Variants in DOCK1 observed in about 807,000 individuals in gnomAD.
The protein encoded by DOCK1 is dedicator of cytokinesis 1.
Under a neutral mutation model 262.7 loss-of-function variants are expected in DOCK1, and 138 were observed. That is an observed-to-expected ratio of 0.53 (90% CI 0.46 to 0.61). DOCK1 has a LOEUF of 0.61. DOCK1 is among the 20% of genes least tolerant of loss of function. DOCK1 has a pLI of 0.00. For missense variants in DOCK1, 1,908 were observed against 2,370.7 expected (o/e 0.80, Z 4.05); for synonymous variants, 866 against 867.4 (o/e 1.00, Z 0.03).
At chr10:127,056,037 A>T (rs2045118475) in intron 22 of DOCK1, among the ~76,000 whole-genome samples, 1 of 152,162 alleles carries the variant, frequency 6.6e-6, no homozygotes, top group Non-Finnish European at 1.5e-5. Context: ...AAGAGTTGAG[A>T]CTGTTGAGGA....
intron 1 of DOCK1, among the ~76,000 whole-genome samples, chr10:126,941,644 A>C (rs2035008481): frequency 6.6e-6 from 1 of 152,076 alleles, no homozygotes; most frequent in African/African-American, 2.4e-5. Context: ...TAGTCCCGCT[A>C]CTCGGGAGGC....
At chr10:127,263,910 A>G (rs192826366) in intron 29 of DOCK1, among the ~76,000 whole-genome samples, 1 of 152,278 alleles carries the variant, frequency 6.6e-6, no homozygotes, top group Non-Finnish European at 1.5e-5. Flanking sequence ...AATAACCCCT[A>G]CTAGAATTTT....
chr10:127,230,491 C>T (rs1347894910), intron 27 of DOCK1, among the ~76,000 whole-genome samples: 1 of 151,872 alleles, frequency 6.6e-6, no homozygotes, highest in Non-Finnish European at 1.5e-5. Flanking sequence ...TGTGGAGATC[C>T]AGTTCTTCCA....
chr10:127,257,463 A>G (rs770303756), intron 29 of DOCK1, 34 bp downstream of exon 29: 5 of 1,548,808 alleles, frequency 3.2e-6, no homozygotes, highest in African/African-American at 1.4e-5. Flanking sequence ...CACCTTTTCT[A>G]TGGCTCCCAA....
intron 25 of DOCK1, among the ~76,000 whole-genome samples, chr10:127,121,071 G>GA (rs1413671714): frequency 2.6e-5 from 4 of 151,990 alleles, no homozygotes; most frequent in African/African-American, 9.7e-5. Context: ...CAGCAGGGGG[G>GA]ATTGCATTAT....
intron 18 of DOCK1, among the ~76,000 whole-genome samples, chr10:127,035,338 A>C (rs4622171): frequency 0.31 from 46,891 of 152,026 alleles, 7,849 homozygotes; most frequent in East Asian, 0.39. Context: ...AAAGAAGTAC[A>C]AGATGTGATT....
chr10:127,113,161 G>A (rs1412096210), intron 25 of DOCK1, among the ~76,000 whole-genome samples: 3 of 152,148 alleles, frequency 2.0e-5, no homozygotes, highest in Non-Finnish European at 4.4e-5. Context: ...TTGTACAAAT[G>A]TGGTTGTTTT....
Position 127,316,187 on chromosome 10 carries a change from C to T in DOCK1, c.3045-22819C>T, listed in dbSNP as rs1408859111. Among the ~76,000 whole-genome samples, 3 of 152,172 alleles carry T rather than the reference C, an allele frequency of 2.0e-5. No individual in the cohort carries two copies. In the South Asian group the frequency reaches 6.2e-4, roughly 32 times the overall value. ...GTGGTCAGAGCACCTAAAATTTACT[C>T]ACGTAGCAAATTTCCAGCATATGAT... On this transcript the variant is annotated intron_variant, in intron 29 of 51. Transcript: ENST00000623213.
At chr10:127,234,315 TAGG>T (rs1399378138) in intron 27 of DOCK1, among the ~76,000 whole-genome samples, 2 of 152,132 alleles carry the variant, frequency 1.3e-5, no homozygotes, top group African/African-American at 4.8e-5. Flanking sequence ...TTGGAAGTAA[TAGG>T]AGAATTCTGT....
intron 35 of DOCK1, among the ~76,000 whole-genome samples, chr10:127,374,901 C>A (rs1383222546): frequency 6.6e-6 from 1 of 152,200 alleles, no homozygotes; most frequent in African/African-American, 2.4e-5. Flanking sequence ...CTACTCACAC[C>A]TTGATTTCAG....
intron 1 of DOCK1, among the ~76,000 whole-genome samples, chr10:126,954,501 TG>T (rs1312408462): frequency 6.6e-6 from 1 of 152,242 alleles, no homozygotes; most frequent in Non-Finnish European, 1.5e-5. Context: ...ACACTGACGT[TG>T]TTGGGCAACC....
chr10:127,014,467 A>G (rs1334227403), intron 12 of DOCK1, among the ~76,000 whole-genome samples: 1 of 152,194 alleles, frequency 6.6e-6, no homozygotes, highest in Admixed American at 6.5e-5. Context: ...ATGTATTAAG[A>G]TATTTGCGCA....
intron 29 of DOCK1, among the ~76,000 whole-genome samples, chr10:127,309,345 G>C (rs926673164): frequency 4.6e-5 from 7 of 152,010 alleles, no homozygotes; most frequent in African/African-American, 1.7e-4. Flanking sequence ...TCAGACCTTT[G>C]TCAGATGGGT....
chr10:127,009,448 C>T (rs1221599465), intron 11 of DOCK1, among the ~76,000 whole-genome samples: 1 of 152,134 alleles, frequency 6.6e-6, no homozygotes, highest in Non-Finnish European at 1.5e-5. Flanking sequence ...GTTTATTTCC[C>T]TCGTGTGGAA....
At chr10:127,328,627 C>T (rs1430711155) in intron 29 of DOCK1, among the ~76,000 whole-genome samples, 1 of 152,080 alleles carries the variant, frequency 6.6e-6, no homozygotes, top group East Asian at 1.9e-4. Flanking sequence ...CGAGGGACGG[C>T]AGGGACGAGA....
At chr10:127,219,635 C>A (rs2058347174) in intron 27 of DOCK1, among the ~76,000 whole-genome samples, 1 of 152,124 alleles carries the variant, frequency 6.6e-6, no homozygotes, top group South Asian at 2.1e-4. Context: ...AACAACACCC[C>A]ATTTCTCCCT....
At chr10:126,915,385 G>A (rs1276473249) in intron 1 of DOCK1, among the ~76,000 whole-genome samples, 4 of 149,954 alleles carry the variant, frequency 2.7e-5, no homozygotes, top group Non-Finnish European at 5.9e-5. Context: ...TACCAAGCCC[G>A]AGAGCAGTGC....
chr10:126,972,280 G>A lies in DOCK1; in HGVS notation c.130+1495G>A, dbSNP rs577526442. On this transcript the variant is annotated intron_variant, in intron 2 of 51. Transcript: ENST00000623213. ...GTGACAGTGGTTTTCCAATGTCCTT[G>A]GCTTTTCAGACAATTTGTTTTTATA... Among the ~76,000 whole-genome samples the A allele has an allele frequency of 1.2e-3, 184 of 152,220 alleles. 1 individual carries two copies. Among genetic ancestry groups the A allele is most frequent in the African/African-American group, 4.3e-3 (178 of 41,552 alleles).
At chr10:126,929,458 A>G (rs2034019728) in intron 1 of DOCK1, among the ~76,000 whole-genome samples, 1 of 152,084 alleles carries the variant, frequency 6.6e-6, no homozygotes, top group Non-Finnish European at 1.5e-5. Flanking sequence ...TGTTGGCCAG[A>G]GAAGGGGCCT....
Sources: allele counts gnomAD v4.1 joint callset (sites outside exome capture counted in the v4.1 genomes callset), GRCh38; gene constraint gnomAD v4.1.1; transcripts MANE v1.5; gene names NCBI Gene and HGNC (gene_info 2026-07-23, HGNC 2026-07-21).